Variants in PCDHGA6 observed in about 807,000 individuals in gnomAD.
PCDHGA6 encodes the protein protocadherin gamma subfamily A, 6.
A neutral mutation model predicts 60.6 loss-of-function variants in PCDHGA6; 41 were observed. The ratio of observed to expected loss-of-function variants is 0.68; its 90% CI spans 0.53 to 0.88. The LOEUF (loss-of-function observed/expected upper bound fraction) is 0.88, where lower values mean the gene tolerates loss of function less well. PCDHGA6 is among the 40% of genes least tolerant of loss of function. The pLI is 0.00. For missense variants in PCDHGA6, 1,312 were observed against 1,203.0 expected (o/e 1.09, Z -1.34); for synonymous variants, 594 against 524.4 (o/e 1.13, Z -1.81).
intron 1 of PCDHGA6, chr5:141,428,910 A>C (rs956124609): frequency 1.3e-5 from 2 of 151,302 alleles, no homozygotes; most frequent in Non-Finnish European, 2.9e-5. Context: ...GCTGGAGTGC[A>C]GTGGCATGAT....
intron 1 of PCDHGA6, chr5:141,394,434 C>A (rs985055027): frequency 6.2e-7 from 1 of 1,614,248 alleles, no homozygotes; most frequent in East Asian, 2.2e-5. Flanking sequence ...CGGGGACCCG[C>A]CCCTCAGCAG....
chr5:141,455,593 C>T (rs957677108), intron 1 of PCDHGA6, among the ~76,000 whole-genome samples: 4 of 152,070 alleles, frequency 2.6e-5, no homozygotes, highest in Non-Finnish European at 5.9e-5. Flanking sequence ...AATATGCAAA[C>T]GTAGGGCGCC....
At position 141,374,941 on chromosome 5, in the gene PCDHGA6, A is replaced by G; in HGVS notation, c.858A>G (p.Glu286=). 6.2e-7 allele frequency: 1 copy of G among 1,614,040 alleles called. No homozygotes were observed. The highest frequency in any genetic ancestry group is 8.5e-7 in the Non-Finnish European group (1 of 1,179,904). The change falls in exon 1 of 4, where the codon GAA becomes GAG. Residue 286 remains glutamate, a synonymous_variant. Coordinates refer to ENST00000517434, the MANE Select transcript of PCDHGA6 (RefSeq NM_018919.3). The part of the protein sequence containing the change: ...EVTYSFVKIT[E]KISQIFCLNV... ...CTTATTCCTTTGTGAAGATTACAGA[A>G]AAGATCTCACAAATTTTCTGTTTGA... is the stretch of plus-strand genomic sequence containing the variant.
In PCDHGA6 at chr5:141,432,002, G is replaced by T; in HGVS notation, c.2424+55495G>T. The T allele has an allele frequency of 6.2e-7, 1 of 1,614,186 alleles. No homozygotes were observed. The highest frequency in any genetic ancestry group is 1.1e-5 in the South Asian group (1 of 91,090). ...AGACATAGTCTTGGATAGGGAACAGGTTCCTAGCTACAACATCACAGTGAC... is the reference window on the plus strand; with the variant it reads ...AGACATAGTCTTGGATAGGGAACAGTTTCCTAGCTACAACATCACAGTGAC... On this transcript the variant is annotated intron_variant, in intron 1 of 3. Coordinates refer to ENST00000517434, the MANE Select transcript of PCDHGA6 (RefSeq NM_018919.3). The surrounding 1 kb of genome is among the most constrained non-coding windows in gnomAD (Gnocchi z 6.0).
chr5:141,431,678 T>G lies in PCDHGA6; in HGVS notation c.2424+55171T>G. The G allele has an allele frequency of 6.2e-7, 1 of 1,614,084 alleles. No homozygotes were observed. Among genetic ancestry groups the G allele is most frequent in the Non-Finnish European group, 8.5e-7 (1 of 1,180,022 alleles). On this transcript the variant is annotated intron_variant, in intron 1 of 3. Transcript: ENST00000517434. This position sits in a 1 kb window ranked among gnomAD's most constrained non-coding sequence, Gnocchi z 4.8. ...AGGGACAATATCAACAATAGGGGAGTTGGACCACGAGGAGTCAGGATTCTA... is the reference window on the plus strand; with the variant it reads ...AGGGACAATATCAACAATAGGGGAGGTGGACCACGAGGAGTCAGGATTCTA...
rs1248867280 is a variant in PCDHGA6 at position 141,511,325 on chromosome 5, C to T, written c.*152C>T. 18 of 1,466,406 alleles carry T rather than the reference C, an allele frequency of 1.2e-5. No homozygotes were observed. Among genetic ancestry groups the T allele is most frequent in the Non-Finnish European group, 1.5e-5 (17 of 1,099,872 alleles). 90.8% of individuals were successfully genotyped at this position (1,466,406 alleles called of 1,614,324 possible). A position where few individuals can be genotyped will look rare whatever the true frequency, so the allele number is the denominator to read the frequency against. On this transcript the variant is annotated 3_prime_UTR_variant, in exon 4 of 4. Coordinates refer to ENST00000517434, the MANE Select transcript of PCDHGA6 (RefSeq NM_018919.3). ...TCCCCTTGGGAAACAGAAACAAGTG[C>T]CCAGTCAGCACCTACCCCTTCCCCC...
Position 141,415,740 on chromosome 5 carries a change from G to T in PCDHGA6, c.2424+39233G>T, listed in dbSNP as rs866795513. 9.4e-4 allele frequency: 585 copies of T among 624,884 alleles called. 4 individuals carry two copies. The highest frequency in any genetic ancestry group is 8.0e-3 in the African/African-American group (318 of 39,862). 38.7% of individuals were successfully genotyped at this position (624,884 alleles called of 1,614,324 possible). A position where few individuals can be genotyped will look rare whatever the true frequency, so the allele number is the denominator to read the frequency against. The stretch of plus-strand genomic sequence containing the variant: ...TGAGTAGAATTTGATGTTTATTAAG[G>T]TTTTTTTTTTTTTTTTTTTTTTTTT... On this transcript the variant is annotated intron_variant, in intron 1 of 3. Coordinates refer to ENST00000517434, the MANE Select transcript of PCDHGA6 (RefSeq NM_018919.3).
chr5:141,476,743 T>A lies in PCDHGA6; in HGVS notation c.2425-18064T>A. On this transcript the variant is annotated intron_variant, in intron 1 of 3. Coordinates refer to ENST00000517434, the MANE Select transcript of PCDHGA6 (RefSeq NM_018919.3). The surrounding 1 kb of genome is among the most constrained non-coding windows in gnomAD (Gnocchi z 7.6). ...CCCTGGACCGAGAACGGGAGCCTAG[T>A]CTCCAGTTAGTGCTGACGGCGTTGG... is the stretch of plus-strand genomic sequence containing the variant. The A allele has an allele frequency of 6.2e-7, 1 of 1,613,932 alleles. No individual in the cohort carries two copies. The highest frequency in any genetic ancestry group is 1.1e-5 in the South Asian group (1 of 91,064).
At position 141,486,837 on chromosome 5, in the gene PCDHGA6, T is replaced by G; in HGVS notation, c.2425-7970T>G. The G allele has an allele frequency of 6.2e-7, 1 of 1,614,256 alleles. No individual in the cohort carries two copies. The highest frequency in any genetic ancestry group is 8.5e-7 in the Non-Finnish European group (1 of 1,180,044). ...AGCACTGTAACAGTTCGTCTATTTG[T>G]GCTGGACCTCAATGACAATGCTCCA... On this transcript the variant is annotated intron_variant, in intron 1 of 3. Transcript: ENST00000517434. The surrounding 1 kb of genome is among the most constrained non-coding windows in gnomAD (Gnocchi z 5.0).
At chr5:141,500,672 C>A (rs2099801937) in intron 2 of PCDHGA6, among the ~76,000 whole-genome samples, 1 of 152,156 alleles carries the variant, frequency 6.6e-6, no homozygotes, top group South Asian at 2.1e-4. Context: ...TACTGTCCAA[C>A]AGAATTATAG....
chr5:141,444,947 C>G (rs2098452252), intron 1 of PCDHGA6, among the ~76,000 whole-genome samples: 1 of 152,054 alleles, frequency 6.6e-6, no homozygotes, highest in Non-Finnish European at 1.5e-5. Context: ...GGAGGAGGAT[C>G]ATCTTAACAA....
intron 1 of PCDHGA6, among the ~76,000 whole-genome samples, chr5:141,464,404 T>G (rs1224596546): frequency 6.6e-6 from 1 of 151,532 alleles, no homozygotes; most frequent in African/African-American, 2.4e-5. Flanking sequence ...GAACCTGAGA[T>G]ATATATATAT....
In PCDHGA6 at chr5:141,485,115, G is replaced by A. The variant is rs1043877839; in HGVS notation, c.2425-9692G>A. 6.9e-6 allele frequency: 9 copies of A among 1,300,470 alleles called. No individual in the cohort carries two copies. Among genetic ancestry groups the A allele is most frequent in the Non-Finnish European group, 1.1e-6 (1 of 911,406 alleles). 80.6% of individuals were successfully genotyped at this position (1,300,470 alleles called of 1,614,324 possible). ...GTGTCTCCAGCTGCTGTGGCTGTTT[G>A]GGGCGGGTCGGCTTCATCCGCGTCT... On this transcript the variant is annotated intron_variant, in intron 1 of 3. Coordinates refer to ENST00000517434, the MANE Select transcript of PCDHGA6 (RefSeq NM_018919.3). The surrounding 1 kb of genome is among the most constrained non-coding windows in gnomAD (Gnocchi z 5.7).
chr5:141,413,400 G>A (rs1328176117), intron 1 of PCDHGA6: 4 of 1,614,060 alleles, frequency 2.5e-6, no homozygotes, highest in Non-Finnish European at 2.5e-6. Context: ...CCAGAGGTAG[G>A]ACGCAGCTTT....
intron 1 of PCDHGA6, chr5:141,417,798 C>G (rs2096163233): frequency 6.7e-7 from 1 of 1,486,352 alleles, no homozygotes; most frequent in African/African-American, 1.4e-5. Flanking sequence ...GCTCTTTTAG[C>G]GCGGTAGAGT....
In PCDHGA6 at chr5:141,491,511, C is replaced by G. The variant is rs777448782; in HGVS notation, c.2425-3296C>G. 6.2e-7 allele frequency: 1 copy of G among 1,614,080 alleles called. No individual in the cohort carries two copies. The highest frequency in any genetic ancestry group is 8.5e-7 in the Non-Finnish European group (1 of 1,180,018). ...TGCAGGTGAGCTCGGACGGCACGCT[C>G]AAGTACATGGAGGTGACGCTGCGGC... On this transcript the variant is annotated intron_variant, in intron 1 of 3. Transcript: ENST00000517434. This position sits in a 1 kb window ranked among gnomAD's most constrained non-coding sequence, Gnocchi z 6.9.
intron 1 of PCDHGA6, chr5:141,415,485 T>C (rs2154545779): frequency 6.2e-7 from 1 of 1,614,044 alleles, no homozygotes; most frequent in South Asian, 1.1e-5. Flanking sequence ...CGCGAAAGAG[T>C]CACCTGATCT....
At chr5:141,510,132 G>A (rs920772998) in intron 3 of PCDHGA6, among the ~76,000 whole-genome samples, 2 of 152,120 alleles carry the variant, frequency 1.3e-5, no homozygotes, top group African/African-American at 4.8e-5. Context: ...AAATTAGCTG[G>A]GCTAGTGGTG....
intron 1 of PCDHGA6, among the ~76,000 whole-genome samples, chr5:141,484,179 A>G (rs2099592960): frequency 6.6e-6 from 1 of 152,222 alleles, no homozygotes; most frequent in South Asian, 2.1e-4. Context: ...GATCTCAATC[A>G]TTCAAGGAAG....
Sources: gnomAD v4.1 joint callset for allele counts (sites outside exome capture counted in the v4.1 genomes callset) on GRCh38, gnomAD v4.1.1 for gene constraint, Gnocchi (gnomAD v3.1) non-coding constraint, MANE v1.5 for transcripts, NCBI Gene and HGNC (gene_info 2026-07-23, HGNC 2026-07-21) for gene names.